MEGF10: variants seen among roughly 807,000 people sequenced by gnomAD.
MEGF10 encodes the protein multiple EGF like domains 10.
Under a neutral mutation model 147.5 loss-of-function variants are expected in MEGF10, and 86 were observed. That is an observed-to-expected ratio of 0.58 (90% CI 0.49 to 0.70). The LOEUF (loss-of-function observed/expected upper bound fraction) is 0.70. MEGF10 is among the 30% of genes least tolerant of loss of function. The pLI is 0.00. For missense variants in MEGF10, 1,329 were observed against 1,487.3 expected (o/e 0.89, Z 1.75); for synonymous variants, 478 against 525.5 (o/e 0.91, Z 1.24).
intron 18 of MEGF10, 34 bp downstream of exon 18, chr5:127,440,901 T>C (rs1765733789): frequency 6.3e-7 from 1 of 1,597,588 alleles, no homozygotes; most frequent in Middle Eastern, 1.7e-4. Flanking sequence ...CTGGGTGGTA[T>C]TTTTTTCCTC....
In MEGF10 at chr5:127,334,364, C is replaced by T. The variant is rs368417793; in HGVS notation, c.116+2940C>T. On this transcript the variant is annotated intron_variant, in intron 2 of 24. Coordinates refer to ENST00000503335, the MANE Select transcript of MEGF10 (RefSeq NM_001256545.2). ...TGAACTTGTTAGAAATACAGACTCT[C>T]AGGTCCCACCCCAGACCTACTAAAT... 6.6e-5 allele frequency among the ~76,000 whole-genome samples: 10 copies of T among 152,226 alleles called. 1 individual carries two copies. The highest frequency in any genetic ancestry group is 4.6e-4 in the Admixed American group (7 of 15,276).
At chr5:127,278,625 T>A in the MEGF10 span, among the ~76,000 whole-genome samples, 1 of 152,102 alleles carries the variant, frequency 6.6e-6, no homozygotes, top group East Asian at 1.9e-4. Flanking sequence ...ATTTAGTGCA[T>A]AAGTGAGGAG....
rs1404863796 is a variant in MEGF10 at position 127,450,447 on chromosome 5, C to T, written c.2980+1225C>T. Among the ~76,000 whole-genome samples, 4 of 152,108 alleles carry T rather than the reference C, an allele frequency of 2.6e-5. 1 individual carries two copies. Among genetic ancestry groups the T allele is most frequent in the Admixed American group, 2.6e-4 (4 of 15,266 alleles). On this transcript the variant is annotated intron_variant, in intron 22 of 24. Coordinates refer to ENST00000503335, the MANE Select transcript of MEGF10 (RefSeq NM_001256545.2). ...TACTTAAAGAACTTCTGTGATATACCATTAATTATGCAGTGCAGTTTCCAA... is the reference window on the plus strand; with the variant it reads ...TACTTAAAGAACTTCTGTGATATACTATTAATTATGCAGTGCAGTTTCCAA...
chr5:127,269,250 C>T, the MEGF10 span, among the ~76,000 whole-genome samples: 761 of 152,326 alleles, frequency 5.0e-3, 8 homozygotes, highest in African/African-American at 0.017. Flanking sequence ...ATGATTTTGA[C>T]GAGTTGAAAG....
chr5:127,271,404 GT>G, the MEGF10 span, among the ~76,000 whole-genome samples: 40 of 148,030 alleles, frequency 2.7e-4, no homozygotes, highest in South Asian at 1.7e-3. Flanking sequence ...TTTTAGTGGG[GT>G]TTTTTTTTTC....
upstream of MEGF10, among the ~76,000 whole-genome samples, chr5:127,290,113 G>A (rs13179696): frequency 2.8e-3 from 433 of 152,246 alleles, 2 homozygotes; most frequent in Non-Finnish European, 5.0e-3. Flanking sequence ...TCGGCAGAGG[G>A]AGCCATTCCC....
At chr5:127,265,173 T>C in the MEGF10 span, among the ~76,000 whole-genome samples, 1 of 152,150 alleles carries the variant, frequency 6.6e-6, no homozygotes, top group African/African-American at 2.4e-5. Context: ...CAGTGTTTGG[T>C]TTTTTGTTCT....
chr5:127,387,365 T>A (rs1435022552), intron 5 of MEGF10, among the ~76,000 whole-genome samples: 1 of 152,206 alleles, frequency 6.6e-6, no homozygotes, highest in African/African-American at 2.4e-5. Flanking sequence ...AATACCTGTG[T>A]GATTATGGAC....
At chr5:127,307,678 C>T (rs1307606436) in intron 1 of MEGF10, among the ~76,000 whole-genome samples, 2 of 152,090 alleles carry the variant, frequency 1.3e-5, no homozygotes, top group African/African-American at 4.8e-5. Context: ...TTTCTTCTAT[C>T]CATGATGGAG....
At chr5:127,345,097 CCCAGGACGAGGCTCTCA>C (rs1438118359) in intron 4 of MEGF10, among the ~76,000 whole-genome samples, 2 of 152,182 alleles carry the variant, frequency 1.3e-5, no homozygotes, top group Non-Finnish European at 2.9e-5. Context: ...TGGAAACTGT[CCCAGGACGAGGCTCTCA>C]TTTCATGTTT....
chr5:127,325,765 AT>A (rs879574678), intron 1 of MEGF10, among the ~76,000 whole-genome samples: 3 of 150,842 alleles, frequency 2.0e-5, no homozygotes, highest in South Asian at 4.2e-4. Context: ...ATGTTTAGGG[AT>A]TTTTTTGTGG....
intron 1 of MEGF10, among the ~76,000 whole-genome samples, chr5:127,299,112 G>A (rs745668048): frequency 5.9e-5 from 9 of 152,136 alleles, no homozygotes; most frequent in Non-Finnish European, 7.3e-5. Flanking sequence ...TTTCTACTGC[G>A]TCACACTGAT....
At chr5:127,268,928 A>T in the MEGF10 span, among the ~76,000 whole-genome samples, 878 of 152,342 alleles carry the variant, frequency 5.8e-3, 7 homozygotes, top group African/African-American at 0.02. Flanking sequence ...TTTGCTGTTC[A>T]GCAATATTCG....
chr5:127,401,036 G>A (rs1448571336), intron 7 of MEGF10, among the ~76,000 whole-genome samples: 6 of 152,172 alleles, frequency 3.9e-5, no homozygotes, highest in Non-Finnish European at 2.9e-5. Context: ...GCTTGTGAAT[G>A]TTAATCTTTA....
At chr5:127,231,893 G>A in the MEGF10 span, among the ~76,000 whole-genome samples, 44 of 152,222 alleles carry the variant, frequency 2.9e-4, no homozygotes, top group Non-Finnish European at 3.7e-4. Context: ...ACTGAGAAGC[G>A]TGGGAAGGGA....
the MEGF10 span, among the ~76,000 whole-genome samples, chr5:127,230,160 A>C: frequency 6.6e-6 from 1 of 152,002 alleles, no homozygotes; most frequent in Non-Finnish European, 1.5e-5. Context: ...AAAAAAGCGT[A>C]TTGGTGGGAT....
At chr5:127,419,559 C>A (rs1458162900) in intron 11 of MEGF10, among the ~76,000 whole-genome samples, 3 of 152,194 alleles carry the variant, frequency 2.0e-5, no homozygotes, top group Non-Finnish European at 4.4e-5. Flanking sequence ...CGCAGCCAAG[C>A]ACCAATTTTA....
At chr5:127,392,570 G>A (rs1023234813) in intron 5 of MEGF10, among the ~76,000 whole-genome samples, 2 of 152,118 alleles carry the variant, frequency 1.3e-5, no homozygotes, top group Admixed American at 6.5e-5. Context: ...ATGGAAAGCC[G>A]CTAGAAGCCT....
the MEGF10 span, among the ~76,000 whole-genome samples, chr5:127,267,154 A>G: frequency 6.6e-6 from 1 of 151,984 alleles, no homozygotes; most frequent in Non-Finnish European, 1.5e-5. Flanking sequence ...TTTGTCAAAG[A>G]CCTTTTCTGC....
Sources: gnomAD v4.1 joint callset for allele counts (sites outside exome capture counted in the v4.1 genomes callset) on GRCh38, gnomAD v4.1.1 for gene constraint, MANE v1.5 for transcripts, NCBI Gene and HGNC (gene_info 2026-07-23, HGNC 2026-07-21) for gene names.